NXPE2: variants seen among roughly 807,000 people sequenced by gnomAD.
The protein encoded by NXPE2 is neurexophilin and PC-esterase domain family member 2, also known as NXPE family member 2.
Under a neutral mutation model 34.4 loss-of-function variants are expected in NXPE2, and 34 were observed. That is an observed-to-expected ratio of 0.99 (90% confidence interval 0.75 to 1.31). The LOEUF (loss-of-function observed/expected upper bound fraction) is 1.31. Ranked by LOEUF, NXPE2 falls within the 40% of genes most tolerant of loss-of-function variation. NXPE2 has a pLI of 0.00. For missense variants in NXPE2, 649 were observed against 672.5 expected, an observed-to-expected ratio of 0.97 and a Z score of 0.39; for synonymous variants, 235 against 231.3, an observed-to-expected ratio of 1.02 and a Z score of -0.15.
chr11:114,498,784 T>C, the NXPE2 span, among the ~76,000 whole-genome samples: 2 of 152,120 alleles, frequency 1.3e-5, no homozygotes. Context: ...GACTGGTGTT[T>C]TTAACATGCT....
chr11:114,639,890 T>C, the NXPE2 span, among the ~76,000 whole-genome samples: 1 of 118,110 alleles, frequency 8.5e-6, no homozygotes, highest in East Asian at 2.3e-4. Flanking sequence ...AAATATGTTA[T>C]ATATTATATT....
chr11:114,761,966 C>T, the NXPE2 span, among the ~76,000 whole-genome samples: 2 of 152,196 alleles, frequency 1.3e-5, no homozygotes, highest in Admixed American at 1.3e-4. Flanking sequence ...AATGGTAATG[C>T]ATAAGATAAG....
chr11:114,758,151 A>G, the NXPE2 span, among the ~76,000 whole-genome samples: 1 of 150,136 alleles, frequency 6.7e-6, no homozygotes, highest in Non-Finnish European at 1.5e-5. Context: ...AGTTGTTCAC[A>G]GACACTATGA....
At chr11:114,535,098 C>T in the NXPE2 span, among the ~76,000 whole-genome samples, 7 of 152,204 alleles carry the variant, frequency 4.6e-5, no homozygotes, top group South Asian at 4.1e-4. Context: ...AGAAACTCTA[C>T]GAGCCAGAAG....
At chr11:114,616,986 G>C in the NXPE2 span, among the ~76,000 whole-genome samples, 1 of 148,152 alleles carries the variant, frequency 6.7e-6, no homozygotes. Flanking sequence ...GTGTTTCCTT[G>C]TGGGTAACCA....
the NXPE2 span, among the ~76,000 whole-genome samples, chr11:114,757,719 T>TG: frequency 1.3e-5 from 2 of 152,198 alleles, no homozygotes; most frequent in African/African-American, 4.8e-5. Context: ...TTGGTCTTCA[T>TG]GGGGAAGAGT....
the NXPE2 span, among the ~76,000 whole-genome samples, chr11:114,805,660 G>A: frequency 8.5e-5 from 13 of 152,182 alleles, no homozygotes; most frequent in African/African-American, 2.7e-4. Context: ...TGCCATTGCC[G>A]AGTTAGTTGC....
the NXPE2 span, among the ~76,000 whole-genome samples, chr11:114,654,342 A>AT: frequency 1.2e-4 from 18 of 148,752 alleles, no homozygotes; most frequent in Admixed American, 2.7e-4. Flanking sequence ...GATCCCAACT[A>AT]TTTTTTTTTT....
chr11:114,701,249 A>G (rs1459181356), intron 3 of NXPE2, among the ~76,000 whole-genome samples: 9 of 152,068 alleles, frequency 5.9e-5, no homozygotes, highest in Non-Finnish European at 1.3e-4. Context: ...TCTATACTCT[A>G]TATGTTTTAT....
chr11:114,539,143 T>A, the NXPE2 span, among the ~76,000 whole-genome samples: 2 of 152,150 alleles, frequency 1.3e-5, no homozygotes, highest in Non-Finnish European at 2.9e-5. Flanking sequence ...GGGACATGGA[T>A]GAAGCTGGAA....
the NXPE2 span, among the ~76,000 whole-genome samples, chr11:114,569,846 C>G: frequency 2.6e-5 from 4 of 152,108 alleles, no homozygotes; most frequent in Admixed American, 2.0e-4. Context: ...CCCTCACCCC[C>G]ACACTCAAGT....
At chr11:114,744,536 T>A in the NXPE2 span, among the ~76,000 whole-genome samples, 1 of 152,194 alleles carries the variant, frequency 6.6e-6, no homozygotes, top group East Asian at 1.9e-4. Flanking sequence ...TGGCTGGGCG[T>A]GGTGGCTTAT....
the NXPE2 span, among the ~76,000 whole-genome samples, chr11:114,510,774 A>G: frequency 2.6e-5 from 4 of 152,364 alleles, no homozygotes; most frequent in African/African-American, 9.6e-5. Flanking sequence ...GAAATTTGGC[A>G]GATATGATAG....
At chr11:114,610,120 C>T in the NXPE2 span, among the ~76,000 whole-genome samples, 1,220 of 150,886 alleles carry the variant, frequency 8.1e-3, 40 homozygotes, top group Middle Eastern at 0.04. Flanking sequence ...GTGGGTAACC[C>T]GTTACCCCGT....
At chr11:114,702,990 A>G (rs1463294654) in intron 3 of NXPE2, among the ~76,000 whole-genome samples, 1 of 152,156 alleles carries the variant, frequency 6.6e-6, no homozygotes, top group Non-Finnish European at 1.5e-5. Flanking sequence ...ATTCCGATAG[A>G]GTGAATTCAA....
chr11:114,484,448 C>T, the NXPE2 span, among the ~76,000 whole-genome samples: 1 of 152,150 alleles, frequency 6.6e-6, no homozygotes, highest in African/African-American at 2.4e-5. Flanking sequence ...TTCCCAGTGC[C>T]CAAAGGGCTT....
chr11:114,608,974 T>C, the NXPE2 span, among the ~76,000 whole-genome samples: 346 of 152,022 alleles, frequency 2.3e-3, no homozygotes, highest in African/African-American at 7.9e-3. Context: ...AAGTGTTGCC[T>C]CGTGGGTAAC....
intron 1 of NXPE2, among the ~76,000 whole-genome samples, chr11:114,679,217 G>A (rs756480933): frequency 2.0e-4 from 28 of 143,258 alleles, no homozygotes; most frequent in Non-Finnish European, 9.1e-5. Context: ...ATAAGACCAG[G>A]GAGAGAGGGT....
chr11:114,781,781 C>G, the NXPE2 span, among the ~76,000 whole-genome samples: 1 of 152,070 alleles, frequency 6.6e-6, no homozygotes, highest in Admixed American at 6.5e-5. Context: ...TCACCTCCAC[C>G]AGGAGTACAA....
Sources: gnomAD v4.1 joint callset for allele counts (sites outside exome capture counted in the v4.1 genomes callset) on GRCh38, gnomAD v4.1.1 for gene constraint, MANE v1.5 for transcripts, NCBI Gene and HGNC (gene_info 2026-07-23, HGNC 2026-07-21) for gene names.